CTNNA1: variants seen among roughly 807,000 people sequenced by gnomAD.
CTNNA1 encodes the protein catenin alpha-1.
In CTNNA1, 37 loss-of-function variants were observed where a neutral mutation model predicts 98.4. The observed-to-expected ratio is 0.38, with a 90% confidence interval of 0.29 to 0.49. The LOEUF is 0.49. Among genes scored for constraint, CTNNA1 ranks in the 20% least tolerant of loss-of-function variants. The pLI is 0.95. For missense variants in CTNNA1, 761 were observed against 1,147.2 expected (o/e 0.66, Z 4.86); for synonymous variants, 404 against 413.2 (o/e 0.98, Z 0.27).
intron 10 of CTNNA1, among the ~76,000 whole-genome samples, chr5:138,917,286 C>G (rs1168527296): frequency 6.6e-6 from 1 of 152,154 alleles, no homozygotes; most frequent in Non-Finnish European, 1.5e-5. Flanking sequence ...ACCCAGACAT[C>G]CTACAATAGG....
At chr5:138,887,698 TTTTAATCACATTA>T in intron 9 of CTNNA1, 56 bp downstream of exon 9, 1 of 1,448,156 alleles carries the variant, frequency 6.9e-7, no homozygotes, top group South Asian at 1.3e-5. Context: ...GTGTGGTGAG[TTTTAATCACATTA>T]TTTAATCAGT....
intron 3 of CTNNA1, among the ~76,000 whole-genome samples, chr5:138,808,202 A>G (rs1261525486): frequency 2.0e-5 from 3 of 152,214 alleles, no homozygotes; most frequent in Non-Finnish European, 2.9e-5. Context: ...GTAATACTCT[A>G]TAATTTGTGA....
chr5:138,877,135 C>T (rs950085962), intron 7 of CTNNA1, among the ~76,000 whole-genome samples: 8 of 152,180 alleles, frequency 5.3e-5, no homozygotes, highest in African/African-American at 1.2e-4. Context: ...TGCACTAGTA[C>T]GTCCTCTTTG....
intron 9 of CTNNA1, among the ~76,000 whole-genome samples, chr5:138,902,431 T>C (rs985209470): frequency 3.3e-5 from 5 of 152,240 alleles, no homozygotes; most frequent in Non-Finnish European, 7.3e-5. Context: ...TTTTTGTTTT[T>C]GTTTTTGAGA....
At position 138,874,082 on chromosome 5, in the gene CTNNA1, T is replaced by C; in HGVS notation, c.1063-12130T>C. The C allele has an allele frequency of 1.2e-6, 2 of 1,613,926 alleles. No homozygotes were observed. Among genetic ancestry groups the C allele is most frequent in the Non-Finnish European group, 1.7e-6 (2 of 1,179,816 alleles). On this transcript the variant is annotated intron_variant, in intron 7 of 17. Coordinates refer to ENST00000302763, the MANE Select transcript of CTNNA1 (RefSeq NM_001903.5). This position sits in a 1 kb window ranked among gnomAD's most constrained non-coding sequence, Gnocchi z 4.1. ...GGAGTTGGAACGTAAATGCAAGGTC[T>C]GCAGCTTCCGAAGGCCATAGAAGAG...
At position 138,863,360 on chromosome 5, in the gene CTNNA1, C is replaced by T. The variant is rs112818595; in HGVS notation, c.1063-22852C>T. Reference sequence around the variant, plus strand: ...AGGTGATCTTCCTACTTCAGCCTCCCGGGTAGTTGGGACTACAGGCAAGTG... The same window carrying T: ...AGGTGATCTTCCTACTTCAGCCTCCTGGGTAGTTGGGACTACAGGCAAGTG... On this transcript the variant is annotated intron_variant, in intron 7 of 17. Coordinates refer to ENST00000302763, the MANE Select transcript of CTNNA1 (RefSeq NM_001903.5). 4.8e-3 allele frequency among the ~76,000 whole-genome samples: 728 copies of T among 152,074 alleles called. 7 individuals carry two copies. The highest frequency in any genetic ancestry group is 0.017 in the African/African-American group (701 of 41,484).
chr5:138,844,543 A>G (rs1286477205), intron 7 of CTNNA1, among the ~76,000 whole-genome samples: 2 of 152,170 alleles, frequency 1.3e-5, no homozygotes, highest in Non-Finnish European at 2.9e-5. Context: ...TTTGTTGGCC[A>G]GTATAATTTT....
intron 9 of CTNNA1, among the ~76,000 whole-genome samples, chr5:138,898,025 AT>A: frequency 6.6e-6 from 1 of 152,126 alleles, no homozygotes; most frequent in Admixed American, 6.6e-5. Context: ...CTCATGTTAA[AT>A]TGTAATCTCC....
chr5:138,929,898 C>T (rs1270085565), intron 14 of CTNNA1, among the ~76,000 whole-genome samples: 2 of 152,118 alleles, frequency 1.3e-5, no homozygotes, highest in East Asian at 3.9e-4. Flanking sequence ...CGAGCACATC[C>T]CTGCCTTATG....
At chr5:138,860,054 G>GAT (rs1204770150) in intron 7 of CTNNA1, among the ~76,000 whole-genome samples, 1 of 152,096 alleles carries the variant, frequency 6.6e-6, no homozygotes, top group Non-Finnish European at 1.5e-5. Context: ...TGTGTTTAAA[G>GAT]ATTGATATAA....
At chr5:138,930,698 T>C in intron 15 of CTNNA1, 44 bp downstream of exon 15, 2 of 1,591,348 alleles carry the variant, frequency 1.3e-6, no homozygotes, top group South Asian at 1.1e-5. Context: ...GGGGCTACTT[T>C]CTTCCCCACA....
At chr5:138,886,180 A>T (rs374436540) in intron 7 of CTNNA1, 32 bp from the exon 8 acceptor site, 2 of 1,603,046 alleles carry the variant, frequency 1.2e-6, no homozygotes, top group African/African-American at 1.3e-5. Flanking sequence ...TTGTAAATGA[A>T]TAAAATGCTC....
At chr5:138,803,346 A>T (rs1170771720) in intron 3 of CTNNA1, among the ~76,000 whole-genome samples, 2 of 151,924 alleles carry the variant, frequency 1.3e-5, no homozygotes, top group African/African-American at 4.8e-5. Flanking sequence ...TGTAGAGATG[A>T]GGTCTCACAA....
chr5:138,845,426 T>G (rs944237096), intron 7 of CTNNA1, among the ~76,000 whole-genome samples: 1 of 152,200 alleles, frequency 6.6e-6, no homozygotes, highest in Non-Finnish European at 1.5e-5. Context: ...TCAGCAAAGT[T>G]GGAATTGGAG....
intron 7 of CTNNA1, among the ~76,000 whole-genome samples, chr5:138,885,089 T>G (rs1403849709): frequency 6.6e-6 from 1 of 152,194 alleles, no homozygotes; most frequent in Non-Finnish European, 1.5e-5. Context: ...CCTCAATATT[T>G]CTAACAGTCC....
chr5:138,782,195 C>T (rs1755188145), intron 2 of CTNNA1, 166 bp downstream of exon 2: 8 of 692,412 alleles, frequency 1.2e-5, no homozygotes, highest in Non-Finnish European at 1.7e-5. Flanking sequence ...TTAGTTAACC[C>T]TTGAGAACGC....
intron 11 of CTNNA1, 84 bp from the exon 12 acceptor site, chr5:138,924,426 C>A: frequency 7.2e-7 from 1 of 1,394,236 alleles, no homozygotes; most frequent in African/African-American, 1.4e-5. Context: ...ACCAAGCAAA[C>A]AATAAATGAT....
chr5:138,802,776 C>G (rs1232239505), intron 3 of CTNNA1, among the ~76,000 whole-genome samples: 4 of 152,056 alleles, frequency 2.6e-5, no homozygotes, highest in Non-Finnish European at 5.9e-5. Context: ...TGATCTTATT[C>G]TCTATTATAC....
intron 1 of CTNNA1, among the ~76,000 whole-genome samples, chr5:138,778,363 C>T (rs1446412301): frequency 6.6e-6 from 1 of 152,114 alleles, no homozygotes. Flanking sequence ...TTGATGTTGC[C>T]TCATGACTAG....
Sources: gnomAD v4.1 joint callset for allele counts (sites outside exome capture counted in the v4.1 genomes callset) on GRCh38, gnomAD v4.1.1 for gene constraint, Gnocchi (gnomAD v3.1) non-coding constraint, MANE v1.5 for transcripts, NCBI Gene and HGNC (gene_info 2026-07-23, HGNC 2026-07-21) for gene names.